ROBO2: variants seen among roughly 807,000 people sequenced by gnomAD.
ROBO2 encodes the protein roundabout guidance receptor 2.
ROBO2 carries 53 observed loss-of-function variants against 160.8 expected under a neutral mutation model. That is an observed-to-expected ratio of 0.33 (90% CI 0.26 to 0.41). The LOEUF is 0.41. Ranked by LOEUF, ROBO2 falls within the 10% of genes least tolerant of loss-of-function variation. The pLI is 1.00. For synonymous variants in ROBO2, 664 were observed against 611.7 expected (o/e 1.09, Z -1.26); for missense variants, 1,577 against 1,722.4 (o/e 0.92, Z 1.49).
intron 2 of ROBO2, among the ~76,000 whole-genome samples, chr3:76,731,436 C>T (rs986352452): frequency 6.6e-6 from 1 of 152,000 alleles, no homozygotes; most frequent in Admixed American, 6.6e-5. Flanking sequence ...GCATTGTGAC[C>T]ATATCCCGCT....
chr3:77,161,828 T>C (rs2078514315), intron 2 of ROBO2, among the ~76,000 whole-genome samples: 10 of 152,076 alleles, frequency 6.6e-5, no homozygotes, highest in Admixed American at 6.6e-4. Flanking sequence ...TACCCCTTTT[T>C]CTGTTGTCAT....
chr3:76,873,665 A>G (rs1465786834), intron 2 of ROBO2, among the ~76,000 whole-genome samples: 1 of 152,124 alleles, frequency 6.6e-6, no homozygotes, highest in African/African-American at 2.4e-5. Flanking sequence ...TCCAGGGCTC[A>G]AAGGGTTCTC....
intron 2 of ROBO2, among the ~76,000 whole-genome samples, chr3:76,365,672 C>A (rs1057140927): frequency 6.6e-6 from 1 of 151,974 alleles, no homozygotes; most frequent in African/African-American, 2.4e-5. Flanking sequence ...ATGACAAGAC[C>A]TCAAGATTGA....
chr3:77,147,296 A>G (rs1217826458), intron 2 of ROBO2, among the ~76,000 whole-genome samples: 1 of 152,112 alleles, frequency 6.6e-6, no homozygotes, highest in Non-Finnish European at 1.5e-5. Flanking sequence ...GAAGCTCAGT[A>G]TCTTCATCCA....
chr3:76,196,086 C>T lies in ROBO2; in HGVS notation c.109+258484C>T, dbSNP rs1008410004. On this transcript the variant is annotated intron_variant, in intron 2 of 26. Transcript: ENST00000487694. ...GAGCCTGGGTACATCAGTGCCTTTTCCTGTTCTCACTCTGGGAGTCCCCAC... is the reference window on the plus strand; with the variant it reads ...GAGCCTGGGTACATCAGTGCCTTTTTCTGTTCTCACTCTGGGAGTCCCCAC... Among the ~76,000 whole-genome samples, 5 of 152,128 alleles carry T rather than the reference C, an allele frequency of 3.3e-5. No homozygotes were observed. In the East Asian group the frequency reaches 9.7e-4, roughly 29 times the overall value.
At chr3:76,819,881 A>G (rs186697073) in intron 2 of ROBO2, among the ~76,000 whole-genome samples, 5 of 152,030 alleles carry the variant, frequency 3.3e-5, no homozygotes, top group Non-Finnish European at 5.9e-5. Flanking sequence ...GTGTGAGTCT[A>G]TGTTGGGAGA....
At chr3:77,038,798 T>G (rs2063792194), upstream of ROBO2, among the ~76,000 whole-genome samples, 1 of 152,178 alleles carries the variant, frequency 6.6e-6, no homozygotes. Flanking sequence ...CCTTTGGTAG[T>G]CTTGGTCTTA....
At chr3:75,938,992 G>C (rs75906510) in intron 2 of ROBO2, among the ~76,000 whole-genome samples, 1 of 152,142 alleles carries the variant, frequency 6.6e-6, no homozygotes. Context: ...GCCACGTTGG[G>C]TTTCTGTGGC....
At chr3:76,312,612 CA>C (rs1442976025) in intron 2 of ROBO2, among the ~76,000 whole-genome samples, 1 of 152,224 alleles carries the variant, frequency 6.6e-6, no homozygotes, top group East Asian at 1.9e-4. Context: ...CTAGTGTTAT[CA>C]ATGGATTTCT....
intron 2 of ROBO2, among the ~76,000 whole-genome samples, chr3:77,259,818 C>T (rs1452111458): frequency 2.6e-5 from 4 of 152,244 alleles, no homozygotes; most frequent in Non-Finnish European, 4.4e-5. Context: ...GCTGTTCCAA[C>T]CTCAGAACCA....
At chr3:77,490,154 G>A (rs1304832865) in intron 4 of ROBO2, among the ~76,000 whole-genome samples, 3 of 145,772 alleles carry the variant, frequency 2.1e-5, no homozygotes, top group Non-Finnish European at 3.0e-5. Flanking sequence ...AGGCTGGAGT[G>A]CAGGGGCCCA....
At chr3:75,994,699 G>T (rs78947933) in intron 2 of ROBO2, among the ~76,000 whole-genome samples, 1,633 of 152,280 alleles carry the variant, frequency 0.011, 33 homozygotes, top group African/African-American at 0.035. Context: ...CAGGAGTCAC[G>T]TACTGCTATA....
At chr3:76,551,554 T>C (rs1190807394) in intron 2 of ROBO2, among the ~76,000 whole-genome samples, 1 of 152,038 alleles carries the variant, frequency 6.6e-6, no homozygotes, top group Non-Finnish European at 1.5e-5. Flanking sequence ...CACCACATTG[T>C]GGGCAACGAG....
At chr3:76,179,375 C>T (rs1012565771) in intron 2 of ROBO2, among the ~76,000 whole-genome samples, 1 of 152,170 alleles carries the variant, frequency 6.6e-6, no homozygotes, top group African/African-American at 2.4e-5. Flanking sequence ...AAACCTACCT[C>T]TTCCCCAGTG....
chr3:76,449,188 C>A (rs1053821562), intron 2 of ROBO2, among the ~76,000 whole-genome samples: 1 of 151,964 alleles, frequency 6.6e-6, no homozygotes, highest in Non-Finnish European at 1.5e-5. Flanking sequence ...GTGTTTAAAA[C>A]TATGTATAAA....
intron 2 of ROBO2, among the ~76,000 whole-genome samples, chr3:76,848,706 G>T (rs568434848): frequency 7.9e-5 from 12 of 152,264 alleles, no homozygotes; most frequent in African/African-American, 2.6e-4. Context: ...GGGAGAGGGA[G>T]AAAGAGAGTC....
intron 2 of ROBO2, among the ~76,000 whole-genome samples, chr3:77,296,098 A>T (rs1423914663): frequency 1.3e-5 from 2 of 151,604 alleles, no homozygotes; most frequent in Non-Finnish European, 2.9e-5. Flanking sequence ...AGTAAAATTG[A>T]TGGTTAAACG....
At position 77,258,572 on chromosome 3, in the gene ROBO2, G is replaced by A. The variant is rs1010103039; in HGVS notation, c.388+160232G>A. On this transcript the variant is annotated intron_variant, in intron 2 of 25. Transcript: ENST00000461745. ...CGGGAGGTTAAGACTTCAGTGAGCC[G>A]AGATCGCACCACTGCACTCCAGCCT... is the stretch of plus-strand genomic sequence containing the variant. 1.6e-4 allele frequency among the ~76,000 whole-genome samples: 24 copies of A among 149,688 alleles called. 1 individual carries two copies. Among genetic ancestry groups the A allele is most frequent in the African/African-American group, 4.9e-4 (20 of 40,404 alleles).
At chr3:76,185,225 A>G (rs1384007699) in intron 2 of ROBO2, among the ~76,000 whole-genome samples, 1 of 14,260 alleles carries the variant, frequency 7.0e-5, no homozygotes. Flanking sequence ...TACACACACA[A>G]AGATGTTATA....
Sources: gnomAD v4.1 joint callset for allele counts (sites outside exome capture counted in the v4.1 genomes callset) on GRCh38, gnomAD v4.1.1 for gene constraint, MANE v1.5 for transcripts, NCBI Gene and HGNC (gene_info 2026-07-23, HGNC 2026-07-21) for gene names.